Variants in VPS13B observed in about 807,000 individuals in gnomAD.
The protein encoded by VPS13B is intermembrane lipid transfer protein VPS13B.
VPS13B carries 285 observed loss-of-function variants against 426.4 expected under a neutral mutation model. That is an observed-to-expected ratio of 0.67 (90% CI 0.61 to 0.74). The LOEUF (loss-of-function observed/expected upper bound fraction) is 0.74, where lower values mean the gene tolerates loss of function less well. Ranked by LOEUF, VPS13B falls within the 30% of genes least tolerant of loss-of-function variation. The pLI, the probability that VPS13B is intolerant of heterozygous loss-of-function variation, is 0.00. For missense variants in VPS13B, 4,537 were observed against 4,782.6 expected, an observed-to-expected ratio of 0.95 and a Z score of 1.51; for synonymous variants, 1,676 against 1,676.4, an observed-to-expected ratio of 1.00 and a Z score of 0.01.
rs1186282003 is a variant in VPS13B at position 99,020,200 on chromosome 8, C to T, written c.147+6265C>T. On this transcript the variant is annotated intron_variant, in intron 2 of 61. Coordinates refer to ENST00000357162, the MANE Select transcript of VPS13B (RefSeq NM_152564.5). ...TCCTAATGGGTATGAAATGATATCT[C>T]AATGTGGTTTTAATTTGCATTTCTC... 4.6e-5 allele frequency among the ~76,000 whole-genome samples: 7 copies of T among 151,742 alleles called. No individual in the cohort carries two copies. In the East Asian group the frequency reaches 1.4e-3, roughly 29 times the overall value.
At chr8:99,385,940 C>A (rs943659659) in intron 20 of VPS13B, among the ~76,000 whole-genome samples, 2 of 151,902 alleles carry the variant, frequency 1.3e-5, no homozygotes, top group African/African-American at 4.8e-5. Context: ...AAACCAATTT[C>A]TGAAAAAAAA....
chr8:99,849,950 C>G (rs1248227895), intron 55 of VPS13B, among the ~76,000 whole-genome samples: 1 of 150,162 alleles, frequency 6.7e-6, no homozygotes, highest in African/African-American at 2.5e-5. Flanking sequence ...CTTATACATA[C>G]CTACATAAGT....
At chr8:99,131,002 G>T (rs747450376) in intron 8 of VPS13B, among the ~76,000 whole-genome samples, 22 of 152,060 alleles carry the variant, frequency 1.4e-4, no homozygotes, top group Admixed American at 2.6e-4. Flanking sequence ...TTAAATATTG[G>T]TTTTTTTAAA....
intron 21 of VPS13B, among the ~76,000 whole-genome samples, chr8:99,393,849 C>T (rs1258632258): frequency 6.6e-6 from 1 of 152,050 alleles, no homozygotes; most frequent in Non-Finnish European, 1.5e-5. Flanking sequence ...TATGTTTTAA[C>T]ACTTTGTTTT....
At chr8:99,595,442 A>G (rs1257673240) in intron 33 of VPS13B, among the ~76,000 whole-genome samples, 1 of 151,934 alleles carries the variant, frequency 6.6e-6, no homozygotes, top group African/African-American at 2.4e-5. Context: ...GAATGAAGGA[A>G]AATGCCTAAA....
intron 16 of VPS13B, among the ~76,000 whole-genome samples, chr8:99,174,914 A>G (rs958509771): frequency 6.6e-6 from 1 of 152,202 alleles, no homozygotes; most frequent in Non-Finnish European, 1.5e-5. Context: ...GTGTTTAAAT[A>G]GTTCTTGATA....
chr8:99,596,449 G>A (rs1430751393), intron 33 of VPS13B, among the ~76,000 whole-genome samples: 3 of 151,930 alleles, frequency 2.0e-5, no homozygotes, highest in African/African-American at 4.8e-5. Context: ...CAGTCCTTAG[G>A]TCAGTAGTCT....
chr8:99,068,283 A>G lies in VPS13B; in HGVS notation c.292-28029A>G, dbSNP rs149112611. Among the ~76,000 whole-genome samples the G allele has an allele frequency of 1.3e-4, 20 of 152,336 alleles. No homozygotes were observed. In the Middle Eastern group the frequency reaches 0.01, roughly 78 times the overall value. ...CCCTAGCTGTTTTATAGATTTTCTT[A>G]TAATTCAGACATATTTGTGGTCTGA... On this transcript the variant is annotated intron_variant, in intron 3 of 61. Coordinates refer to ENST00000357162, the MANE Select transcript of VPS13B (RefSeq NM_152564.5).
intron 2 of VPS13B, among the ~76,000 whole-genome samples, chr8:99,033,324 TA>T (rs1207713702): frequency 6.6e-6 from 1 of 152,226 alleles, no homozygotes; most frequent in Non-Finnish European, 1.5e-5. Context: ...GTTAATCTAC[TA>T]AAAGTTTCCT....
intron 37 of VPS13B, among the ~76,000 whole-genome samples, chr8:99,719,827 A>T (rs559971516): frequency 2.0e-5 from 3 of 152,348 alleles, no homozygotes; most frequent in African/African-American, 7.2e-5. Flanking sequence ...GTGTTGGCAC[A>T]GTCTTACTAA....
At chr8:99,313,966 C>G (rs905645201) in intron 19 of VPS13B, among the ~76,000 whole-genome samples, 3 of 152,146 alleles carry the variant, frequency 2.0e-5, no homozygotes, top group African/African-American at 7.2e-5. Flanking sequence ...ACCCTCCAAG[C>G]CAGGCACGGG....
At chr8:99,518,809 A>G (rs753149910) in intron 29 of VPS13B, among the ~76,000 whole-genome samples, 1 of 152,216 alleles carries the variant, frequency 6.6e-6, no homozygotes, top group Non-Finnish European at 1.5e-5. Flanking sequence ...ACAGCTGGAA[A>G]TAATCTCGTA....
intron 32 of VPS13B, among the ~76,000 whole-genome samples, chr8:99,576,262 T>A (rs1825769589): frequency 6.6e-6 from 1 of 152,192 alleles, no homozygotes; most frequent in Non-Finnish European, 1.5e-5. Flanking sequence ...TCATACTATT[T>A]AACCTACTAG....
intron 22 of VPS13B, 124 bp from the exon 23 acceptor site, chr8:99,442,277 A>G: frequency 3.8e-6 from 3 of 784,942 alleles, no homozygotes; most frequent in Non-Finnish European, 6.3e-6. Flanking sequence ...TAGTGAAAAT[A>G]AGTCATAAAG....
intron 27 of VPS13B, among the ~76,000 whole-genome samples, chr8:99,504,296 T>C (rs1821385290): frequency 6.6e-6 from 1 of 152,210 alleles, no homozygotes; most frequent in East Asian, 1.9e-4. Context: ...GTGCCATGCT[T>C]GTACAGCCTG....
intron 3 of VPS13B, among the ~76,000 whole-genome samples, chr8:99,051,259 T>A (rs1306957305): frequency 6.6e-6 from 1 of 152,212 alleles, no homozygotes; most frequent in African/African-American, 2.4e-5. Flanking sequence ...GCTAGCCAGT[T>A]TTCCCAGCAC....
intron 52 of VPS13B, 72 bp from the exon 53 acceptor site, chr8:99,835,125 A>T: frequency 6.2e-7 from 1 of 1,600,004 alleles, no homozygotes; most frequent in South Asian, 1.1e-5. Flanking sequence ...ATCTAAATAA[A>T]CATGTTCCAG....
At chr8:99,839,888 A>T (rs908662716) in intron 54 of VPS13B, among the ~76,000 whole-genome samples, 1 of 152,214 alleles carries the variant, frequency 6.6e-6, no homozygotes. Context: ...GCATCCATTC[A>T]TTCATCTTTG....
intron 3 of VPS13B, among the ~76,000 whole-genome samples, chr8:99,039,824 C>T (rs940038279): frequency 6.6e-6 from 1 of 151,898 alleles, no homozygotes; most frequent in African/African-American, 2.4e-5. Flanking sequence ...CACGTATTAT[C>T]CAATTTAACT....
Sources: gnomAD v4.1 joint callset for allele counts (sites outside exome capture counted in the v4.1 genomes callset) on GRCh38, gnomAD v4.1.1 for gene constraint, MANE v1.5 for transcripts, NCBI Gene and HGNC (gene_info 2026-07-23, HGNC 2026-07-21) for gene names.